Variants in NCOA3 observed in about 807,000 individuals in gnomAD.
NCOA3 encodes CBP-interacting protein.
In NCOA3, 51 loss-of-function variants were observed where a neutral mutation model predicts 158.8. The ratio of observed to expected loss-of-function variants is 0.32; its 90% CI spans 0.26 to 0.41. NCOA3 has a LOEUF of 0.41. Among genes scored for constraint, NCOA3 ranks in the 10% least tolerant of loss-of-function variants. The pLI is 1.00. For missense variants in NCOA3, 1,510 were observed against 1,746.6 expected, an observed-to-expected ratio of 0.86 and a Z score of 2.41; for synonymous variants, 537 against 592.4, an observed-to-expected ratio of 0.91 and a Z score of 1.36.
At chr20:47,607,683 GA>G (rs1171198554) in intron 2 of NCOA3, among the ~76,000 whole-genome samples, 6 of 152,022 alleles carry the variant, frequency 3.9e-5, no homozygotes, top group African/African-American at 1.4e-4. Context: ...TAGGGTAGAG[GA>G]AAAATTATTT....
intron 1 of NCOA3, among the ~76,000 whole-genome samples, chr20:47,564,996 T>G (rs2085169383): frequency 6.6e-6 from 1 of 152,178 alleles, no homozygotes; most frequent in East Asian, 1.9e-4. Flanking sequence ...GTGGTTTTTT[T>G]TTTAGAAGGA....
At chr20:47,535,515 CT>C (rs1273521715) in intron 1 of NCOA3, among the ~76,000 whole-genome samples, 139 of 144,082 alleles carry the variant, frequency 9.6e-4, no homozygotes, top group Middle Eastern at 3.6e-3. Flanking sequence ...GGTTTTTTTG[CT>C]TTTTTTTTTT....
chr20:47,629,385 A>C (rs1415551800), intron 8 of NCOA3, among the ~76,000 whole-genome samples: 1 of 151,214 alleles, frequency 6.6e-6, no homozygotes. Context: ...GCTGGAGTGC[A>C]ATGGCATGAT....
At chr20:47,601,389 A>C (rs1339309159) in intron 2 of NCOA3, among the ~76,000 whole-genome samples, 2 of 152,244 alleles carry the variant, frequency 1.3e-5, no homozygotes, top group Non-Finnish European at 2.9e-5. Flanking sequence ...AACTATATTC[A>C]AACCATAGCA....
intron 21 of NCOA3, among the ~76,000 whole-genome samples, 162 bp from the exon 22 acceptor site, chr20:47,652,769 C>G (rs1213318995): frequency 6.6e-6 from 1 of 152,212 alleles, no homozygotes; most frequent in African/African-American, 2.4e-5. Flanking sequence ...GTGTCTAGTA[C>G]AGAAAGCTGT....
chr20:47,593,945 A>G (rs1375237210), intron 2 of NCOA3, among the ~76,000 whole-genome samples: 1 of 152,226 alleles, frequency 6.6e-6, no homozygotes, highest in African/African-American at 2.4e-5. Flanking sequence ...TAAAGTTTAA[A>G]GGTAAACATT....
At chr20:47,502,260 C>T (rs1286403750) in intron 1 of NCOA3, among the ~76,000 whole-genome samples, 9 of 152,184 alleles carry the variant, frequency 5.9e-5, no homozygotes, top group African/African-American at 2.2e-4. Context: ...GGTGGCAGTC[C>T]GCTTGGGGAT....
intron 2 of NCOA3, among the ~76,000 whole-genome samples, chr20:47,618,228 CTT>C (rs1386135828): frequency 1.3e-5 from 2 of 151,630 alleles, no homozygotes; most frequent in Non-Finnish European, 2.9e-5. Flanking sequence ...GAGTGAGACT[CTT>C]GTCTCAAAAG....
chr20:47,503,299 A>G (rs763253054), intron 1 of NCOA3, among the ~76,000 whole-genome samples: 1 of 152,250 alleles, frequency 6.6e-6, no homozygotes, highest in Non-Finnish European at 1.5e-5. Context: ...AATGCTGCAC[A>G]AACGAAAATG....
At chr20:47,503,635 A>C (rs899078221) in intron 1 of NCOA3, among the ~76,000 whole-genome samples, 14 of 152,222 alleles carry the variant, frequency 9.2e-5, no homozygotes, top group African/African-American at 2.9e-4. Flanking sequence ...CTCTTAAAAA[A>C]AATGTTGATA....
chr20:47,643,761 T>C (rs1057044163), intron 17 of NCOA3, among the ~76,000 whole-genome samples: 2 of 152,006 alleles, frequency 1.3e-5, no homozygotes, highest in Non-Finnish European at 2.9e-5. Flanking sequence ...ATATCTTTAT[T>C]CCACCCTCCT....
intron 18 of NCOA3, 99 bp from the exon 19 acceptor site, chr20:47,648,906 T>C: frequency 1.5e-6 from 1 of 676,652 alleles, no homozygotes; most frequent in Non-Finnish European, 2.6e-6. Flanking sequence ...TTATTGTGTT[T>C]GGAGATATTA....
At chr20:47,611,988 C>T (rs2086052763) in intron 2 of NCOA3, among the ~76,000 whole-genome samples, 1 of 152,076 alleles carries the variant, frequency 6.6e-6, no homozygotes, top group African/African-American at 2.4e-5. Context: ...CCACGCTTGG[C>T]TAAGTGTTTT....
Position 47,506,768 on chromosome 20 carries a change from CTT to C in NCOA3, c.-99+4757_-99+4758del, listed in dbSNP as rs5841699. Among the ~76,000 whole-genome samples the C allele has an allele frequency of 3.3e-3, 505 of 151,860 alleles. 6 individuals are homozygous for C. The highest frequency in any genetic ancestry group is 2.6e-3 in the Non-Finnish European group (177 of 67,966). On this transcript the variant is annotated intron_variant, in intron 1 of 22. Coordinates refer to ENST00000371998, the MANE Select transcript of NCOA3 (RefSeq NM_181659.3). ...ATATTTTTGTTAGGAACATCTGTGT[CTT>C]TTTTTTTAAATTTTCTGTTAATTTT...
intron 1 of NCOA3, among the ~76,000 whole-genome samples, chr20:47,522,099 CTTTTTTTTT>C (rs772811888): frequency 2.3e-4 from 18 of 76,838 alleles, no homozygotes; most frequent in African/African-American, 7.9e-4. Context: ...TTGTACAGAT[CTTTTTTTTT>C]TTTTTTTTTT....
Position 47,615,179 on chromosome 20 carries a change from A to ATAAATTACAG in NCOA3, c.-19-7047_-19-7038dup, listed in dbSNP as rs1555811573. 9.8e-5 allele frequency among the ~76,000 whole-genome samples: 15 copies of ATAAATTACAG among 152,320 alleles called. 1 individual carries two copies. The South Asian group carries it at 3.1e-3, about 32-fold the overall frequency. ...TACATACTCTGGAGGGTCATGGTAA[A>ATAAATTACAG]TAAATTACAGTATATATGAGATGTC... is the stretch of plus-strand genomic sequence containing the variant. On this transcript the variant is annotated intron_variant, in intron 2 of 22. Transcript: ENST00000371998.
intron 1 of NCOA3, among the ~76,000 whole-genome samples, chr20:47,541,366 C>T (rs1602372605): frequency 0.019 from 2 of 104 alleles, 1 homozygote; most frequent in Non-Finnish European, 0.034. Context: ...CTCCCCTCCC[C>T]TCCCCTCCCC....
chr20:47,549,649 G>A (rs7263999), intron 1 of NCOA3, among the ~76,000 whole-genome samples: 1 of 151,324 alleles, frequency 6.6e-6, no homozygotes, highest in East Asian at 1.9e-4. Context: ...GATTTAATGA[G>A]ATCAGTTTCC....
intron 18 of NCOA3, 60 bp downstream of exon 18, chr20:47,647,426 C>T (rs2086707274): frequency 2.0e-6 from 3 of 1,505,284 alleles, no homozygotes; most frequent in Non-Finnish European, 2.7e-6. Flanking sequence ...GACTATGTTT[C>T]TCAGTGTTCT....
Sources: allele counts gnomAD v4.1 joint callset (sites outside exome capture counted in the v4.1 genomes callset), GRCh38; gene constraint gnomAD v4.1.1; transcripts MANE v1.5; gene names NCBI Gene and HGNC (gene_info 2026-07-23, HGNC 2026-07-21).